The following SLC8A3 variants were observed in gnomAD, a reference collection of about 807,000 sequenced individuals.
SLC8A3 encodes the protein solute carrier family 8 member A3, also known as sodium/calcium exchanger 3.
Under a neutral mutation model 65.4 loss-of-function variants are expected in SLC8A3, and 37 were observed. The observed-to-expected ratio is 0.57, with a 90% CI of 0.44 to 0.74. The LOEUF (loss-of-function observed/expected upper bound fraction) is 0.74, where lower values mean the gene tolerates loss of function less well. SLC8A3 is among the 30% of genes least tolerant of loss of function. The probability of loss-of-function intolerance (pLI) is 0.00; values close to 1 mark genes in which losing one functional copy is unlikely to be tolerated. For synonymous variants in SLC8A3, 461 were observed against 444.5 expected, an observed-to-expected ratio of 1.04 and a Z score of -0.47; for missense variants, 1,112 against 1,172.1, an observed-to-expected ratio of 0.95 and a Z score of 0.75.
At chr14:70,105,618 G>T (rs1257231254) in intron 2 of SLC8A3, among the ~76,000 whole-genome samples, 1 of 152,170 alleles carries the variant, frequency 6.6e-6, no homozygotes, top group Non-Finnish European at 1.5e-5. Context: ...CCCCAAGGAA[G>T]CTCTAAGTCC....
intron 2 of SLC8A3, among the ~76,000 whole-genome samples, chr14:70,119,866 C>T (rs927085363): frequency 1.8e-4 from 27 of 152,212 alleles, no homozygotes; most frequent in African/African-American, 6.5e-4. Context: ...GTGTTGGAGA[C>T]CAATAACGAT....
At chr14:70,090,757 G>A (rs533441309) in intron 2 of SLC8A3, among the ~76,000 whole-genome samples, 267 of 152,222 alleles carry the variant, frequency 1.8e-3, no homozygotes, top group Non-Finnish European at 3.2e-3. Context: ...ATGTGAAACC[G>A]CATCCCACTT....
chr14:70,088,874 C>G (rs1887734), intron 2 of SLC8A3, among the ~76,000 whole-genome samples: 136,612 of 152,158 alleles, frequency 0.9, 61,499 homozygotes, highest in East Asian at 1. Context: ...AGATCCTGTT[C>G]TTTTTACCTA....
In SLC8A3 at chr14:70,167,738, C is replaced by G. The variant is rs757620081; in HGVS notation, c.685G>C (p.Val229Leu). The change falls in exon 2 of 7, where the codon GTC becomes CTC. Residue 229 changes from valine to leucine, a missense_variant. Coordinates refer to ENST00000356921, the MANE Select transcript of SLC8A3 (RefSeq NM_182932.3). The stretch of plus-strand genomic sequence containing the variant: ...GTGAGGAGGCCTTCCCAAACCTGGA[C>G]CACACCAGGGGAGAAGACTGCCAGA... ...MILAVFSPGV[V>L]QVWEGLLTLF... 2 of 1,614,164 alleles carry G rather than the reference C, an allele frequency of 1.2e-6. No individual in the cohort carries two copies. Among genetic ancestry groups the G allele is most frequent in the South Asian group, 2.2e-5 (2 of 91,084 alleles).
At chr14:70,116,879 A>G (rs966430434) in intron 2 of SLC8A3, among the ~76,000 whole-genome samples, 54 of 152,254 alleles carry the variant, frequency 3.5e-4, no homozygotes, top group Admixed American at 3.5e-3. Context: ...CAAGCATACC[A>G]ATAGATAAAT....
intron 2 of SLC8A3, among the ~76,000 whole-genome samples, chr14:70,138,658 G>A (rs974667902): frequency 1.3e-5 from 2 of 152,184 alleles, no homozygotes; most frequent in Non-Finnish European, 2.9e-5. Context: ...TTCCAACCAT[G>A]TGGCCTGGTT....
chr14:70,156,231 G>T (rs17765431), intron 2 of SLC8A3, among the ~76,000 whole-genome samples: 8,038 of 152,188 alleles, frequency 0.053, 290 homozygotes, highest in Non-Finnish European at 0.081. Flanking sequence ...TGTCCCTGTG[G>T]GTTCATCCAG....
chr14:70,051,319 G>T (rs772605090), intron 4 of SLC8A3, among the ~76,000 whole-genome samples: 3 of 152,124 alleles, frequency 2.0e-5, no homozygotes, highest in Non-Finnish European at 4.4e-5. Flanking sequence ...TTGAGACAGG[G>T]TCTCACTTTG....
chr14:70,078,975 A>G (rs1415305997), intron 2 of SLC8A3, among the ~76,000 whole-genome samples: 1 of 152,096 alleles, frequency 6.6e-6, no homozygotes, highest in Non-Finnish European at 1.5e-5. Context: ...GAACTTCTGT[A>G]TTTCCCTTTC....
intron 2 of SLC8A3, among the ~76,000 whole-genome samples, chr14:70,076,853 G>C (rs904541760): frequency 2.0e-5 from 3 of 152,144 alleles, no homozygotes; most frequent in East Asian, 3.8e-4. Context: ...TTATTCATTT[G>C]ATCATTTACT....
At chr14:70,148,856 G>A (rs1034579908) in intron 2 of SLC8A3, among the ~76,000 whole-genome samples, 5 of 152,182 alleles carry the variant, frequency 3.3e-5, no homozygotes, top group African/African-American at 7.2e-5. Context: ...GAAGAGATGC[G>A]AGTGGGGCCG....
chr14:70,150,860 T>C (rs1490785151), intron 2 of SLC8A3, among the ~76,000 whole-genome samples: 1 of 152,186 alleles, frequency 6.6e-6, no homozygotes, highest in East Asian at 1.9e-4. Context: ...GTCCTTGTTT[T>C]CCATGGCCTA....
At chr14:70,086,097 G>A (rs1468207263) in intron 2 of SLC8A3, among the ~76,000 whole-genome samples, 4 of 152,150 alleles carry the variant, frequency 2.6e-5, no homozygotes, top group African/African-American at 9.7e-5. Flanking sequence ...TCTCTCTCTG[G>A]CTTCTTTATA....
intron 2 of SLC8A3, among the ~76,000 whole-genome samples, chr14:70,154,374 G>A (rs143204615): frequency 3.9e-5 from 6 of 152,324 alleles, no homozygotes; most frequent in Admixed American, 3.9e-4. Context: ...ATTAAAAGTT[G>A]TCTTTCCACC....
chr14:70,078,353 A>T (rs1890726736), intron 2 of SLC8A3, among the ~76,000 whole-genome samples: 1 of 152,220 alleles, frequency 6.6e-6, no homozygotes, highest in Admixed American at 6.5e-5. Context: ...AGAGCATTAA[A>T]ATTAGGGTAC....
At chr14:70,144,311 T>TG (rs1491028523) in intron 2 of SLC8A3, among the ~76,000 whole-genome samples, 25 of 9,072 alleles carry the variant, frequency 2.8e-3, no homozygotes, top group African/African-American at 0.018. Flanking sequence ...ACTTCCTGTT[T>TG]TTTTTTTTTT....
intron 2 of SLC8A3, among the ~76,000 whole-genome samples, chr14:70,136,142 C>T (rs914670902): frequency 4.6e-5 from 7 of 152,302 alleles, no homozygotes; most frequent in African/African-American, 1.7e-4. Context: ...TATGTGAAGT[C>T]AGAGACACAC....
chr14:70,072,653 T>G (rs1213708211), intron 2 of SLC8A3, among the ~76,000 whole-genome samples: 1 of 150,848 alleles, frequency 6.6e-6, no homozygotes, highest in Non-Finnish European at 1.5e-5. Flanking sequence ...TGAACTTTTC[T>G]TTTTTTGTGA....
intron 2 of SLC8A3, among the ~76,000 whole-genome samples, chr14:70,117,296 C>G (rs940106031): frequency 6.6e-6 from 1 of 152,214 alleles, no homozygotes; most frequent in Admixed American, 6.5e-5. Flanking sequence ...ATTCCTTTCC[C>G]CACTTGGAGA....
Sources: gnomAD v4.1 joint callset for allele counts (sites outside exome capture counted in the v4.1 genomes callset) on GRCh38, gnomAD v4.1.1 for gene constraint, MANE v1.5 for transcripts, NCBI Gene and HGNC (gene_info 2026-07-23, HGNC 2026-07-21) for gene names.